Variants in DYNC2H1 observed in about 807,000 individuals in gnomAD.
The protein encoded by DYNC2H1 is dynein cytoplasmic 2 heavy chain 1, also known as cytoplasmic dynein 2 heavy chain 1.
A neutral mutation model predicts 570.0 loss-of-function variants in DYNC2H1; 410 were observed. The observed-to-expected ratio is 0.72, with a 90% CI of 0.66 to 0.78. DYNC2H1 has a LOEUF of 0.78. Ranked by LOEUF, DYNC2H1 falls within the 30% of genes least tolerant of loss-of-function variation. DYNC2H1 has a pLI of 0.00. For missense variants in DYNC2H1, 4,865 were observed against 5,046.4 expected, an observed-to-expected ratio of 0.96 and a Z score of 1.09; for synonymous variants, 1,688 against 1,677.6, an observed-to-expected ratio of 1.01 and a Z score of -0.15.
chr11:103,155,302 T>C (rs770144440), intron 24 of DYNC2H1, 29 bp from the exon 25 acceptor site: 2 of 1,531,568 alleles, frequency 1.3e-6, no homozygotes. Flanking sequence ...TGTATACATA[T>C]GACTTTTTCT....
chr11:103,154,666 C>A, intron 23 of DYNC2H1, 29 bp from the exon 24 acceptor site: 3 of 1,566,256 alleles, frequency 1.9e-6, no homozygotes, highest in Non-Finnish European at 2.6e-6. Flanking sequence ...TGGATGTAAT[C>A]TTTGCAATGT....
intron 14 of DYNC2H1, 26 bp from the exon 15 acceptor site, chr11:103,134,295 G>C: frequency 6.2e-7 from 1 of 1,603,242 alleles, no homozygotes; most frequent in Non-Finnish European, 8.5e-7. Context: ...AATACTTTGA[G>C]ACTAGCATGC....
intron 82 of DYNC2H1, among the ~76,000 whole-genome samples, chr11:103,333,453 C>A (rs1565503017): frequency 6.6e-6 from 1 of 152,044 alleles, no homozygotes; most frequent in African/African-American, 2.4e-5. Context: ...TTAGTAGAGA[C>A]AGGGGTTTCA....
chr11:103,258,770 T>C (rs1192345716), intron 69 of DYNC2H1, among the ~76,000 whole-genome samples: 1 of 152,236 alleles, frequency 6.6e-6, no homozygotes, highest in Non-Finnish European at 1.5e-5. Context: ...TGTATTGTAC[T>C]GGCTGAAGCA....
At chr11:103,179,857 T>C (rs1314570356) in intron 39 of DYNC2H1, among the ~76,000 whole-genome samples, 1 of 151,720 alleles carries the variant, frequency 6.6e-6, no homozygotes, top group Non-Finnish European at 1.5e-5. Flanking sequence ...ATTTTATTTT[T>C]GAAAATCAGT....
rs1945674012 is a variant in DYNC2H1 at position 103,479,396 on chromosome 11, A to T, written c.*143A>T. Reference sequence around the variant, plus strand: ...ATGTTGTTGATGTCACTGAAATTTTAATGTGTAAAAGCAGCACTGTGCATC... The same window carrying T: ...ATGTTGTTGATGTCACTGAAATTTTTATGTGTAAAAGCAGCACTGTGCATC... On this transcript the variant is annotated 3_prime_UTR_variant, in exon 89 of 89. Coordinates refer to ENST00000375735, the MANE Select transcript of DYNC2H1 (RefSeq NM_001377.3). 1 of 913,756 alleles carries T rather than the reference A, an allele frequency of 1.1e-6. No individual in the cohort carries two copies. The highest frequency in any genetic ancestry group is 2.8e-5 in the South Asian group (1 of 35,406). The allele number at this position is 913,756 out of a possible 1,614,324, so 56.6% of individuals were successfully genotyped here.
chr11:103,176,678 G>A (rs1861831904), intron 37 of DYNC2H1, among the ~76,000 whole-genome samples: 1 of 151,894 alleles, frequency 6.6e-6, no homozygotes, highest in South Asian at 2.1e-4. Context: ...AGTAATCTCC[G>A]TGAAAGGCAG....
rs1020418409 is a variant in DYNC2H1, at chr11:103,252,850, G to GT, written c.10043-428dup. 6.6e-6 allele frequency among the ~76,000 whole-genome samples: 1 copy of GT among 151,918 alleles called. No individual in the cohort carries two copies. Among genetic ancestry groups the GT allele is most frequent in the Non-Finnish European group, 1.5e-5 (1 of 67,944 alleles). ...TTTTCAGTTACTCATGTGATAATCT[G>GT]TTTTTTTAACCATCATTCTGTTTTC... On this transcript the variant is annotated intron_variant, in intron 65 of 88. Transcript: ENST00000375735. The surrounding 1 kb of genome is among the most constrained non-coding windows in gnomAD (Gnocchi z 4.6).
chr11:103,422,591 CAT>C (rs1205626250), intron 84 of DYNC2H1, among the ~76,000 whole-genome samples: 2 of 152,086 alleles, frequency 1.3e-5, no homozygotes, highest in Non-Finnish European at 2.9e-5. Flanking sequence ...ACAAAAAACA[CAT>C]GATTATCTCA....
rs893145634 is a variant in DYNC2H1, at chr11:103,239,446, A to G, written c.9819+2907A>G. On this transcript the variant is annotated intron_variant, in intron 63 of 88. Coordinates refer to ENST00000375735, the MANE Select transcript of DYNC2H1 (RefSeq NM_001377.3). The surrounding 1 kb of genome is among the most constrained non-coding windows in gnomAD (Gnocchi z 4.3). ...TATTACTGTTTAAGAATAAATAGGT[A>G]AGGCACTTAAACACATAACTCATGT... 3.9e-5 allele frequency among the ~76,000 whole-genome samples: 6 copies of G among 152,208 alleles called. No homozygotes were observed. The highest frequency in any genetic ancestry group is 1.4e-4 in the African/African-American group (6 of 41,470).
intron 70 of DYNC2H1, among the ~76,000 whole-genome samples, chr11:103,272,848 A>G (rs1310807154): frequency 6.7e-6 from 1 of 149,752 alleles, no homozygotes; most frequent in Non-Finnish European, 1.5e-5. Context: ...TCATTTATTA[A>G]TTTTTCTTCA....
rs1392934236 is a variant in DYNC2H1, at chr11:103,461,633, CAT to C, written c.12648+5280_12648+5281del. ...TGCGGTATAGTATATACAGTAACCA[CAT>C]ATGGCTGCTGAGCACATACGGGTAC... On this transcript the variant is annotated intron_variant, in intron 87 of 88. Coordinates refer to ENST00000375735, the MANE Select transcript of DYNC2H1 (RefSeq NM_001377.3). The surrounding 1 kb of genome is among the most constrained non-coding windows in gnomAD (Gnocchi z 4.8). 6.6e-6 allele frequency among the ~76,000 whole-genome samples: 1 copy of C among 152,140 alleles called. No homozygotes were observed. The highest frequency in any genetic ancestry group is 1.5e-5 in the Non-Finnish European group (1 of 68,016).
At chr11:103,274,435 TGATAAC>T (rs1865830385) in intron 70 of DYNC2H1, among the ~76,000 whole-genome samples, 1 of 152,178 alleles carries the variant, frequency 6.6e-6, no homozygotes, top group South Asian at 2.1e-4. Flanking sequence ...TATCATTAAA[TGATAAC>T]GTTTTTGAAT....
In DYNC2H1 at chr11:103,455,341, A is replaced by C. The variant is rs913006293; in HGVS notation, c.12566+46A>C. ...TACCTATTTGTCCCTGACGGTAATTAGTTTTGCTTTATTGACTTCCTATTA... is the reference window on the plus strand; with the variant it reads ...TACCTATTTGTCCCTGACGGTAATTCGTTTTGCTTTATTGACTTCCTATTA... On this transcript the variant is annotated intron_variant, in intron 86 of 88. Coordinates refer to ENST00000375735, the MANE Select transcript of DYNC2H1 (RefSeq NM_001377.3). 5 of 1,540,504 alleles carry C rather than the reference A, an allele frequency of 3.2e-6. No homozygotes were observed. The African/African-American group carries it at 4.1e-5, about 13-fold the overall frequency.
At chr11:103,307,997 C>A (rs551322004) in intron 78 of DYNC2H1, among the ~76,000 whole-genome samples, 166 bp downstream of exon 78, 15 of 152,242 alleles carry the variant, frequency 9.9e-5, no homozygotes, top group East Asian at 5.8e-4. Context: ...ACATTTAAAT[C>A]TTTTCAAATT....
chr11:103,251,090 T>A (rs1038657082), intron 65 of DYNC2H1, among the ~76,000 whole-genome samples: 2 of 151,940 alleles, frequency 1.3e-5, no homozygotes, highest in Non-Finnish European at 2.9e-5. Flanking sequence ...CCCTAATTTA[T>A]TTTTTTTCTT....
At position 103,280,344 on chromosome 11, in the gene DYNC2H1, G is replaced by A; in HGVS notation, c.10696-4G>A. ...GGCAAGATAATATCTGTTATTCTTT[G>A]CAGGCTGATCAGTTGATGTTCGCTT... On this transcript the variant is annotated splice_polypyrimidine_tract_variant and splice_region_variant and intron_variant, in intron 70 of 88. Transcript: ENST00000375735. The surrounding 1 kb of genome is among the most constrained non-coding windows in gnomAD (Gnocchi z 4.7). 1 of 1,553,462 alleles carries A rather than the reference G, an allele frequency of 6.4e-7. No individual in the cohort carries two copies. The highest frequency in any genetic ancestry group is 2.4e-5 in the East Asian group (1 of 41,456).
intron 44 of DYNC2H1, 115 bp downstream of exon 44, chr11:103,188,763 CT>C (rs1163979338): frequency 3.3e-5 from 29 of 874,114 alleles, no homozygotes; most frequent in Non-Finnish European, 4.0e-5. Context: ...AATGGTCAAA[CT>C]TAACCTCTGA....
At position 103,163,128 on chromosome 11, in the gene DYNC2H1, C is replaced by T. The variant is rs761418440; in HGVS notation, c.4592C>T (p.Pro1531Leu). 1.2e-6 allele frequency: 2 copies of T among 1,611,942 alleles called. No individual in the cohort carries two copies. The highest frequency in any genetic ancestry group is 1.1e-5 in the South Asian group (1 of 90,786). ...TGRSSQGAVD[P>L]SLFPSQILCL... is the part of the protein sequence containing the mutation. ...CGAAGTTCTCAAGGTGCAGTTGACC[C>T]ATCTCTGTTCCCTTCACAGGTAAGG... The change falls in exon 30 of 89, where the codon CCA (proline) becomes CTA (leucine). Residue 1531 changes from proline to leucine, a missense_variant. Physicochemically the swap from Pro to Leu is moderately conservative, Grantham distance 98 (BLOSUM62 -3). Coordinates refer to ENST00000375735, the MANE Select transcript of DYNC2H1 (RefSeq NM_001377.3). This position sits in a 1 kb window ranked among gnomAD's most constrained non-coding sequence, Gnocchi z 4.6.
Sources: allele counts gnomAD v4.1 joint callset (sites outside exome capture counted in the v4.1 genomes callset), GRCh38; gene constraint gnomAD v4.1.1; non-coding constraint Gnocchi (gnomAD v3.1); transcripts MANE v1.5; gene names NCBI Gene and HGNC (gene_info 2026-07-23, HGNC 2026-07-21).